Variants in ANO1 observed in about 807,000 individuals in gnomAD.
ANO1 encodes anoctamin 1.
A neutral mutation model predicts 124.0 loss-of-function variants in ANO1; 59 were observed. The observed-to-expected ratio is 0.48, with a 90% CI of 0.39 to 0.59. ANO1 has a LOEUF of 0.59. Among genes scored for constraint, ANO1 ranks in the 20% least tolerant of loss-of-function variants. The probability of loss-of-function intolerance (pLI) is 0.00; values close to 1 mark genes in which losing one functional copy is unlikely to be tolerated. For missense variants in ANO1, 1,059 were observed against 1,328.0 expected (o/e 0.80, Z 3.15); for synonymous variants, 529 against 532.0 (o/e 0.99, Z 0.08).
intron 23 of ANO1, among the ~76,000 whole-genome samples, chr11:70,182,278 C>G (rs1313222602): frequency 6.6e-6 from 1 of 152,250 alleles, no homozygotes; most frequent in Non-Finnish European, 1.5e-5. Context: ...GTGCACTGTT[C>G]TGGCCACCAG....
the ANO1 span, among the ~76,000 whole-genome samples, chr11:69,968,283 G>T: frequency 1.3e-5 from 2 of 152,208 alleles, no homozygotes; most frequent in South Asian, 4.2e-4. Flanking sequence ...GGTGGGTGGG[G>T]AGCTGCCTTC....
intron 1 of ANO1, among the ~76,000 whole-genome samples, chr11:69,997,903 T>G (rs1856304670): frequency 6.6e-6 from 1 of 152,178 alleles, no homozygotes; most frequent in Non-Finnish European, 1.5e-5. Context: ...CTGCCATGTT[T>G]CCTGTACAGC....
intron 1 of ANO1, chr11:70,085,496 T>C (rs2044336635): frequency 1.3e-6 from 2 of 1,536,002 alleles, no homozygotes; most frequent in Non-Finnish European, 1.7e-6. Flanking sequence ...AGTTGCTTAG[T>C]TTCAGCCTCC....
chr11:70,162,796 G>A (rs1046845309), intron 18 of ANO1, among the ~76,000 whole-genome samples: 16 of 152,198 alleles, frequency 1.1e-4, no homozygotes, highest in African/African-American at 3.1e-4. Flanking sequence ...AAGCCTACAC[G>A]CCCCACACCA....
At chr11:70,174,217 C>G (rs368553358) in intron 22 of ANO1, among the ~76,000 whole-genome samples, 1 of 151,512 alleles carries the variant, frequency 6.6e-6, no homozygotes, top group Non-Finnish European at 1.5e-5. Context: ...GGATTACAGG[C>G]GTGAGCCACC....
Position 70,167,518 on chromosome 11 carries a change from A to C in ANO1, c.2197+131A>C, listed in dbSNP as rs1001588140. ...TGCCCAGCGTCCCTCCATAAGCATC[A>C]GGCAGGGAGAAGAGAGATGCAGACC... On this transcript the variant is annotated intron_variant, in intron 21 of 25. Transcript: ENST00000355303. 23 of 1,305,576 alleles carry C rather than the reference A, an allele frequency of 1.8e-5. No individual in the cohort carries two copies. In the African/African-American group the frequency reaches 2.6e-4, roughly 14 times the overall value. 80.9% of individuals were successfully genotyped at this position (1,305,576 alleles called of 1,614,324 possible).
chr11:70,111,463 G>A (rs2045777776), intron 6 of ANO1, among the ~76,000 whole-genome samples: 1 of 152,170 alleles, frequency 6.6e-6, no homozygotes. Context: ...TTTTCTCTGT[G>A]TCTTCCTAAT....
At chr11:70,166,950 G>A (rs936138035) in intron 20 of ANO1, among the ~76,000 whole-genome samples, 7 of 152,138 alleles carry the variant, frequency 4.6e-5, no homozygotes, top group East Asian at 1.9e-4. Flanking sequence ...GTTCAAGACC[G>A]GCCTGGGCAA....
At chr11:70,178,009 C>T (rs1163102123) in intron 22 of ANO1, among the ~76,000 whole-genome samples, 3 of 152,246 alleles carry the variant, frequency 2.0e-5, no homozygotes, top group African/African-American at 4.8e-5. Flanking sequence ...TGCCTGCCAC[C>T]GCTTTGCAGC....
intron 1 of ANO1, among the ~76,000 whole-genome samples, chr11:70,053,999 C>T (rs530924033): frequency 1.3e-5 from 2 of 152,246 alleles, no homozygotes; most frequent in African/African-American, 2.4e-5. Context: ...TTATCTTTTT[C>T]CTGTCTGTAG....
chr11:70,038,218 T>C (rs1555004624), intron 1 of ANO1, among the ~76,000 whole-genome samples: 3 of 152,200 alleles, frequency 2.0e-5, no homozygotes, highest in African/African-American at 7.2e-5. Context: ...ACCCAGACCA[T>C]AGTGCATGCC....
intron 2 of ANO1, among the ~76,000 whole-genome samples, chr11:70,098,969 G>A (rs937195958): frequency 2.0e-5 from 3 of 152,172 alleles, no homozygotes; most frequent in African/African-American, 7.2e-5. Flanking sequence ...GGAGGTTTCC[G>A]CCGGCATAGT....
At chr11:70,163,227 C>T (rs193126860) in intron 18 of ANO1, 56 bp from the exon 19 acceptor site, 1 of 1,583,778 alleles carries the variant, frequency 6.3e-7, no homozygotes, top group African/African-American at 1.3e-5. Context: ...GGGGGTCTCT[C>T]CCCGAGCTGA....
chr11:70,099,877 C>T (rs569187694), intron 2 of ANO1, among the ~76,000 whole-genome samples: 15 of 152,304 alleles, frequency 9.8e-5, no homozygotes, highest in Admixed American at 3.9e-4. Flanking sequence ...CAGGCCACGC[C>T]GTCCCAGGCC....
At chr11:70,027,334 C>G (rs1267597151) in intron 1 of ANO1, among the ~76,000 whole-genome samples, 2 of 152,204 alleles carry the variant, frequency 1.3e-5, no homozygotes, top group Non-Finnish European at 2.9e-5. Context: ...TCATCTCACA[C>G]AAAGCCTATA....
intron 22 of ANO1, among the ~76,000 whole-genome samples, chr11:70,172,084 C>T (rs141142438): frequency 2.1e-5 from 3 of 143,408 alleles, no homozygotes; most frequent in African/African-American, 7.8e-5. Flanking sequence ...CATGCCACTA[C>T]ACTCCAGCCT....
At chr11:70,024,942 G>C (rs185554291) in intron 1 of ANO1, among the ~76,000 whole-genome samples, 2 of 152,242 alleles carry the variant, frequency 1.3e-5, no homozygotes, top group Non-Finnish European at 1.5e-5. Context: ...GTTGAGCCAG[G>C]GAGTTGTGGG....
chr11:70,071,440 AAAT>A (rs1857871393), intron 1 of ANO1, among the ~76,000 whole-genome samples: 1 of 152,194 alleles, frequency 6.6e-6, no homozygotes, highest in Non-Finnish European at 1.5e-5. Flanking sequence ...AATTTTCCTT[AAAT>A]AATAGGAAAA....
chr11:70,132,137 A>G (rs2135526532), intron 11 of ANO1, 58 bp downstream of exon 11: 1 of 1,511,088 alleles, frequency 6.6e-7, no homozygotes, highest in Non-Finnish European at 8.9e-7. Flanking sequence ...AGTGGTACCT[A>G]GGCTGCTTCT....
Sources: gnomAD v4.1 joint callset for allele counts (sites outside exome capture counted in the v4.1 genomes callset) on GRCh38, gnomAD v4.1.1 for gene constraint, MANE v1.5 for transcripts, NCBI Gene and HGNC (gene_info 2026-07-23, HGNC 2026-07-21) for gene names.